Variants in DIP2C observed in about 807,000 individuals in gnomAD.
The protein encoded by DIP2C is DIP2 acetate--CoA ligase C (putative), also known as disco-interacting protein 2 homolog C.
In DIP2C, 33 loss-of-function variants were observed where a neutral mutation model predicts 192.4. The observed-to-expected ratio is 0.17, with a 90% confidence interval of 0.13 to 0.23. The LOEUF is 0.23. DIP2C is among the 10% of genes least tolerant of loss of function. DIP2C has a pLI of 1.00. For missense variants in DIP2C, 1,537 were observed against 2,110.1 expected (o/e 0.73, Z 5.32); for synonymous variants, 979 against 864.1 (o/e 1.13, Z -2.33).
intron 24 of DIP2C, 65 bp downstream of exon 24, chr10:356,361 G>A (rs745585617): frequency 1.2e-5 from 19 of 1,546,302 alleles, no homozygotes; most frequent in African/African-American, 8.1e-5. Flanking sequence ...AAGCAGGAGC[G>A]CTCCCAGGAA....
intron 17 of DIP2C, among the ~76,000 whole-genome samples, chr10:372,802 A>AGGTG: frequency 6.6e-6 from 1 of 152,136 alleles, no homozygotes; most frequent in African/African-American, 2.4e-5. Flanking sequence ...CCCGGCACAC[A>AGGTG]GGCAGGCACA....
At chr10:354,632 C>G (rs1353011324) in intron 24 of DIP2C, among the ~76,000 whole-genome samples, 5 of 152,148 alleles carry the variant, frequency 3.3e-5, no homozygotes, top group Non-Finnish European at 7.3e-5. Flanking sequence ...CAGGCAACAT[C>G]AAGGCAGAGA....
In DIP2C at chr10:645,213, T is replaced by C. The variant is rs1027557961; in HGVS notation, c.85+44281A>G. 2.6e-5 allele frequency among the ~76,000 whole-genome samples: 4 copies of C among 152,208 alleles called. No individual in the cohort carries two copies. The South Asian group carries it at 8.3e-4, about 32-fold the overall frequency. The stretch of plus-strand genomic sequence containing the variant: ...GTGGGGTCTTGAGGGAGAGCTGGCA[T>C]GAACGTTCCAGAGCTGAGTCTCCAG... On this transcript the variant is annotated intron_variant, in intron 1 of 36. Transcript: ENST00000280886.
intron 1 of DIP2C, among the ~76,000 whole-genome samples, chr10:498,106 T>G (rs1844973379): frequency 6.6e-6 from 1 of 152,202 alleles, no homozygotes; most frequent in Admixed American, 6.5e-5. Context: ...CCTCAAGTGA[T>G]CCACCCACCT....
rs75671481 is a variant in DIP2C, at chr10:429,023, A to T, written c.395-5990T>A. Reference sequence around the variant, plus strand: ...CTACCAGAGTGGTATACTTGTCACAACTGATGCTTCTACACTGAAACATCA... The same window carrying T: ...CTACCAGAGTGGTATACTTGTCACATCTGATGCTTCTACACTGAAACATCA... On this transcript the variant is annotated intron_variant, in intron 4 of 36. Coordinates refer to ENST00000280886, the MANE Select transcript of DIP2C (RefSeq NM_014974.3). Among the ~76,000 whole-genome samples the T allele has an allele frequency of 3.0e-4, 46 of 152,152 alleles. 3 individuals are homozygous for T. The East Asian group carries it at 8.7e-3, about 29-fold the overall frequency.
chr10:509,216 G>A (rs1209382178), intron 1 of DIP2C, among the ~76,000 whole-genome samples: 1 of 152,170 alleles, frequency 6.6e-6, no homozygotes, highest in Non-Finnish European at 1.5e-5. Flanking sequence ...ATTCACCCGG[G>A]GAGGGGCATA....
intron 1 of DIP2C, among the ~76,000 whole-genome samples, chr10:513,192 AATT>A (rs1291955039): frequency 7.0e-6 from 1 of 142,944 alleles, no homozygotes; most frequent in Non-Finnish European, 1.6e-5. Flanking sequence ...TGTATGCCTA[AATT>A]ATTACATGTT....
chr10:337,171 GCA>G (rs1957848325), intron 29 of DIP2C, among the ~76,000 whole-genome samples: 2 of 142,978 alleles, frequency 1.4e-5, no homozygotes, highest in Admixed American at 7.0e-5. Flanking sequence ...GCTGATGTGT[GCA>G]TGCGTGTGGT....
At chr10:285,280 G>A (rs1303924588) in intron 34 of DIP2C, among the ~76,000 whole-genome samples, 1 of 152,168 alleles carries the variant, frequency 6.6e-6, no homozygotes, top group Non-Finnish European at 1.5e-5. Context: ...TGCATGTGCT[G>A]GGGATGCGTC....
intron 1 of DIP2C, among the ~76,000 whole-genome samples, chr10:611,677 C>A (rs901177054): frequency 2.0e-5 from 3 of 152,152 alleles, no homozygotes; most frequent in African/African-American, 7.2e-5. Context: ...TCCATCTTCC[C>A]CACTCACTGA....
chr10:277,418 G>A lies in DIP2C; in HGVS notation c.4578C>T (p.Pro1526=), dbSNP rs1180775676. Residue 1526 remains proline (P), a synonymous_variant, in exon 37 of 37, where the codon CCC becomes CCT. Transcript: ENST00000280886. ...GCTGCTTCTCCCCACGGGAGTTGATGGGGATGACGCCGATGTCCACCACGA... is the reference window on the plus strand; with the variant it reads ...GCTGCTTCTCCCCACGGGAGTTGATAGGGATGACGCCGATGTCCACCACGA... ...VVVVVDIGVI[P]INSRGEKQRM... 2.5e-6 allele frequency: 4 copies of A among 1,614,168 alleles called. No homozygotes were observed. Among genetic ancestry groups the A allele is most frequent in the Non-Finnish European group, 3.4e-6 (4 of 1,180,030 alleles).
chr10:654,730 G>A (rs897869273), intron 1 of DIP2C, among the ~76,000 whole-genome samples: 20 of 152,260 alleles, frequency 1.3e-4, no homozygotes, highest in Admixed American at 3.9e-4. Context: ...GAAATATGAA[G>A]GGCCAGTAAC....
At chr10:563,413 T>C (rs368901708) in intron 1 of DIP2C, among the ~76,000 whole-genome samples, 2 of 152,046 alleles carry the variant, frequency 1.3e-5, no homozygotes, top group South Asian at 4.1e-4. Context: ...TCCTTAAAAT[T>C]AGTAGAATTT....
intron 9 of DIP2C, among the ~76,000 whole-genome samples, chr10:401,985 A>AT (rs1261551852): frequency 2.8e-5 from 4 of 143,588 alleles, no homozygotes; most frequent in Non-Finnish European, 3.0e-5. Context: ...AAATCCTGTG[A>AT]TTTTACATGT....
chr10:331,787 G>A (rs1215434393), intron 29 of DIP2C, among the ~76,000 whole-genome samples: 2 of 152,192 alleles, frequency 1.3e-5, no homozygotes, highest in Non-Finnish European at 2.9e-5. Context: ...AATACTTTGA[G>A]AACAGGGTTA....
intron 1 of DIP2C, 35 bp from the exon 2 acceptor site, chr10:486,565 T>A: frequency 6.4e-7 from 1 of 1,565,190 alleles, no homozygotes; most frequent in Non-Finnish European, 8.7e-7. Flanking sequence ...CAGTATGGTC[T>A]CCGTGGATAG....
At chr10:515,036 T>G (rs1846261031) in intron 1 of DIP2C, among the ~76,000 whole-genome samples, 1 of 152,196 alleles carries the variant, frequency 6.6e-6, no homozygotes, top group African/African-American at 2.4e-5. Flanking sequence ...CAGATAGTAA[T>G]TTTCAGAAAA....
At chr10:418,486 C>T (rs76455112) in intron 6 of DIP2C, among the ~76,000 whole-genome samples, 1,973 of 152,294 alleles carry the variant, frequency 0.013, 39 homozygotes, top group African/African-American at 0.036. Context: ...GGACTGAGAC[C>T]TAAATGGAAT....
intron 1 of DIP2C, among the ~76,000 whole-genome samples, chr10:551,799 G>A (rs923130897): frequency 6.6e-6 from 1 of 152,228 alleles, no homozygotes; most frequent in East Asian, 1.9e-4. Context: ...CTCAGAGCCA[G>A]GCTCTGGGGT....
Sources: gnomAD v4.1 joint callset for allele counts (sites outside exome capture counted in the v4.1 genomes callset) on GRCh38, gnomAD v4.1.1 for gene constraint, MANE v1.5 for transcripts, NCBI Gene and HGNC (gene_info 2026-07-23, HGNC 2026-07-21) for gene names.